Variants in CARMIL1 observed in about 807,000 individuals in gnomAD.
CARMIL1 encodes the protein capping protein regulator and myosin 1 linker 1, also known as F-actin-uncapping protein LRRC16A.
CARMIL1 carries 90 observed loss-of-function variants against 177.1 expected under a neutral mutation model. The ratio of observed to expected loss-of-function variants is 0.51; its 90% CI spans 0.43 to 0.61. The LOEUF (loss-of-function observed/expected upper bound fraction) is 0.61, where lower values mean the gene tolerates loss of function less well. Among genes scored for constraint, CARMIL1 ranks in the 20% least tolerant of loss-of-function variants. The pLI, the probability that CARMIL1 is intolerant of heterozygous loss-of-function variation, is 0.00. For synonymous variants in CARMIL1, 577 were observed against 606.2 expected (o/e 0.95, Z 0.71); for missense variants, 1,380 against 1,667.0 (o/e 0.83, Z 3.00).
chr6:25,354,863 A>G (rs187432635), intron 2 of CARMIL1, among the ~76,000 whole-genome samples: 35 of 152,260 alleles, frequency 2.3e-4, no homozygotes, highest in African/African-American at 8.4e-4. Flanking sequence ...TCTCTCTTAC[A>G]GTGAGTGAAA....
intron 4 of CARMIL1, among the ~76,000 whole-genome samples, chr6:25,431,983 G>T (rs1343027366): frequency 6.6e-6 from 1 of 152,154 alleles, no homozygotes; most frequent in African/African-American, 2.4e-5. Flanking sequence ...TTCAAAATTT[G>T]CTGTGTTTTG....
chr6:25,518,756 C>T (rs1806258611), intron 22 of CARMIL1, among the ~76,000 whole-genome samples: 1 of 152,152 alleles, frequency 6.6e-6, no homozygotes, highest in South Asian at 2.1e-4. Context: ...TGTTGGACTC[C>T]CTTGATCACA....
chr6:25,611,614 T>C (rs1816513433), intron 36 of CARMIL1, among the ~76,000 whole-genome samples: 1 of 152,200 alleles, frequency 6.6e-6, no homozygotes, highest in Non-Finnish European at 1.5e-5. Flanking sequence ...GAGGAAGGGA[T>C]GGTAGTGCTA....
At chr6:25,499,084 A>G (rs934689519) in intron 16 of CARMIL1, among the ~76,000 whole-genome samples, 5 of 152,146 alleles carry the variant, frequency 3.3e-5, no homozygotes, top group African/African-American at 1.2e-4. Flanking sequence ...GTTCTCTCTT[A>G]GTAGATAAAG....
At chr6:25,605,304 C>A (rs960366484) in intron 34 of CARMIL1, among the ~76,000 whole-genome samples, 1 of 152,198 alleles carries the variant, frequency 6.6e-6, no homozygotes, top group Non-Finnish European at 1.5e-5. Context: ...GCTTCGCTTG[C>A]AGCTTGAATA....
At chr6:25,536,596 C>T (rs1415192311) in intron 24 of CARMIL1, among the ~76,000 whole-genome samples, 7 of 152,052 alleles carry the variant, frequency 4.6e-5, no homozygotes, top group Non-Finnish European at 7.4e-5. Context: ...GAATTGTCTT[C>T]ATAACACACT....
intron 5 of CARMIL1, among the ~76,000 whole-genome samples, chr6:25,442,788 A>G (rs1161128333): frequency 2.6e-5 from 4 of 152,174 alleles, no homozygotes; most frequent in Non-Finnish European, 5.9e-5. Flanking sequence ...CCCGCTGGAC[A>G]CGTCTGCAGG....
intron 29 of CARMIL1, among the ~76,000 whole-genome samples, chr6:25,574,014 C>T (rs1418709441): frequency 1.3e-5 from 2 of 152,150 alleles, no homozygotes; most frequent in Admixed American, 6.6e-5. Flanking sequence ...AACAGAACAA[C>T]TCCGAGTTAC....
chr6:25,286,293 T>C (rs2690045), intron 2 of CARMIL1, among the ~76,000 whole-genome samples: 7,588 of 152,344 alleles, frequency 0.05, 593 homozygotes, highest in African/African-American at 0.17. Flanking sequence ...GGATATGTGA[T>C]TGTCTTTTCT....
intron 2 of CARMIL1, among the ~76,000 whole-genome samples, chr6:25,311,104 C>A (rs1783783312): frequency 1.3e-5 from 2 of 152,048 alleles, no homozygotes; most frequent in African/African-American, 4.8e-5. Context: ...ATTGCTTGAA[C>A]CCAGGAGGCG....
chr6:25,516,497 A>G (rs553264691), intron 21 of CARMIL1, among the ~76,000 whole-genome samples: 4 of 152,318 alleles, frequency 2.6e-5, no homozygotes, highest in African/African-American at 7.2e-5. Context: ...CTCTTTCATG[A>G]TGTTTTTCTA....
chr6:25,340,777 G>GATTTTTTTTTTTTT (rs1786822392), intron 2 of CARMIL1, among the ~76,000 whole-genome samples: 1 of 86,136 alleles, frequency 1.2e-5, no homozygotes, highest in African/African-American at 4.0e-5. Context: ...GTCAATGAAG[G>GATTTTTTTTTTTTT]TTTTTTTTTT....
At chr6:25,288,810 A>G (rs1208502843) in intron 2 of CARMIL1, among the ~76,000 whole-genome samples, 1 of 152,192 alleles carries the variant, frequency 6.6e-6, no homozygotes, top group Non-Finnish European at 1.5e-5. Flanking sequence ...AGCTGGATCT[A>G]AAATTCCTAA....
intron 2 of CARMIL1, among the ~76,000 whole-genome samples, chr6:25,355,864 C>T (rs1562027465): frequency 6.6e-6 from 1 of 152,154 alleles, no homozygotes; most frequent in Non-Finnish European, 1.5e-5. Context: ...TACTGTGCCA[C>T]AGATCTCTGG....
intron 35 of CARMIL1, among the ~76,000 whole-genome samples, chr6:25,607,472 T>A (rs1816090456): frequency 6.6e-6 from 1 of 152,140 alleles, no homozygotes. Context: ...ATTTTACGGA[T>A]GAGGAATATG....
intron 35 of CARMIL1, among the ~76,000 whole-genome samples, chr6:25,608,235 G>A (rs1308268436): frequency 6.6e-6 from 1 of 151,926 alleles, no homozygotes. Context: ...GTTATTCATG[G>A]TGCAGATATT....
chr6:25,338,868 C>T (rs1478308681), intron 2 of CARMIL1, among the ~76,000 whole-genome samples: 1 of 152,124 alleles, frequency 6.6e-6, no homozygotes, highest in East Asian at 1.9e-4. Flanking sequence ...AAAGAACCAG[C>T]ACATAAGTTT....
intron 17 of CARMIL1, among the ~76,000 whole-genome samples, chr6:25,500,448 C>CT (rs1472293589): frequency 1.3e-5 from 2 of 152,144 alleles, no homozygotes; most frequent in Non-Finnish European, 2.9e-5. Flanking sequence ...TTTTTAATGA[C>CT]TTGGGTTTTG....
intron 5 of CARMIL1, among the ~76,000 whole-genome samples, chr6:25,440,459 C>T (rs1490839221): frequency 6.6e-6 from 1 of 152,222 alleles, no homozygotes; most frequent in Non-Finnish European, 1.5e-5. Flanking sequence ...TTCTACCCAA[C>T]ACACACAGTT....
Sources: allele counts gnomAD v4.1 joint callset (sites outside exome capture counted in the v4.1 genomes callset), GRCh38; gene constraint gnomAD v4.1.1; transcripts MANE v1.5; gene names NCBI Gene and HGNC (gene_info 2026-07-23, HGNC 2026-07-21).